Variants in PCDHGB2 observed in about 807,000 individuals in gnomAD.
PCDHGB2 encodes protocadherin gamma subfamily B, 2.
In PCDHGB2, 55 loss-of-function variants were observed where a neutral mutation model predicts 59.3. The observed-to-expected ratio is 0.93, with a 90% CI of 0.75 to 1.16. The LOEUF is 1.16. Ranked by LOEUF, PCDHGB2 falls within the 50% of genes most tolerant of loss-of-function variation. The pLI, the probability that PCDHGB2 is intolerant of heterozygous loss-of-function variation, is 0.00. For synonymous variants in PCDHGB2, 516 were observed against 512.0 expected (o/e 1.01, Z -0.11); for missense variants, 1,228 against 1,198.5 (o/e 1.02, Z -0.36).
chr5:141,426,542 T>C, intron 1 of PCDHGB2: 1 of 347,918 alleles, frequency 2.9e-6, no homozygotes, highest in South Asian at 2.2e-5. Context: ...AACATACTTG[T>C]GAGTGACAGA....
intron 1 of PCDHGB2, chr5:141,374,502 T>C (rs1588742531): frequency 6.2e-7 from 1 of 1,611,402 alleles, no homozygotes; most frequent in East Asian, 2.2e-5. Flanking sequence ...GAATTGGAAG[T>C]GAAAATTCTC....
chr5:141,389,321 G>T (rs570682726), intron 1 of PCDHGB2: 1 of 1,613,982 alleles, frequency 6.2e-7, no homozygotes. Context: ...ATCCGGACTT[G>T]GGGCCCAACG....
chr5:141,417,980 C>G lies in PCDHGB2; in HGVS notation c.2421+55424C>G, dbSNP rs905203424. On this transcript the variant is annotated intron_variant, in intron 1 of 3. Coordinates refer to ENST00000522605, the MANE Select transcript of PCDHGB2 (RefSeq NM_018923.3). ...GATCCGCTACTCGATTCCGGAGGAG[C>G]TGGCCAAGGGCTCGGTGGTGGGGAA... is the stretch of plus-strand genomic sequence containing the variant. The G allele has an allele frequency of 1.9e-6, 3 of 1,613,738 alleles. No individual in the cohort carries two copies. In the African/African-American group the frequency reaches 4.0e-5, roughly 22 times the overall value.
At chr5:141,448,114 A>G (rs1483138819) in intron 1 of PCDHGB2, among the ~76,000 whole-genome samples, 1 of 151,948 alleles carries the variant, frequency 6.6e-6, no homozygotes, top group Non-Finnish European at 1.5e-5. Flanking sequence ...AGAAAAGAAA[A>G]TTAGCCTCCC....
intron 1 of PCDHGB2, among the ~76,000 whole-genome samples, chr5:141,462,211 C>T (rs543979258): frequency 2.0e-5 from 3 of 151,998 alleles, no homozygotes; most frequent in South Asian, 2.1e-4. Context: ...CCGCCTGCCT[C>T]GGCCTCCCAA....
intron 1 of PCDHGB2, chr5:141,392,978 C>T: frequency 1.9e-6 from 3 of 1,613,808 alleles, no homozygotes; most frequent in South Asian, 1.1e-5. Context: ...TGGGGCTGGA[C>T]CCCCGGAAGC....
chr5:141,429,879 A>T (rs2097250861), intron 1 of PCDHGB2, among the ~76,000 whole-genome samples: 1 of 152,210 alleles, frequency 6.6e-6, no homozygotes, highest in African/African-American at 2.4e-5. Context: ...TCTTTTACTA[A>T]GTTTCCTGAA....
Position 141,491,094 on chromosome 5 carries a change from G to T in PCDHGB2, c.2422-3713G>T. ...TGCCACAGTCCACAGCCCCAGGACT[G>T]TTCCTCGTGTCTACACACACTGGTG... On this transcript the variant is annotated intron_variant, in intron 1 of 3. Transcript: ENST00000522605. This position sits in a 1 kb window ranked among gnomAD's most constrained non-coding sequence, Gnocchi z 6.9. The T allele has an allele frequency of 6.2e-7, 1 of 1,614,202 alleles. No homozygotes were observed. The highest frequency in any genetic ancestry group is 1.1e-5 in the South Asian group (1 of 91,086).
rs538105673 is a variant in PCDHGB2, at chr5:141,427,796, C to T, written c.2421+65240C>T. On this transcript the variant is annotated intron_variant, in intron 1 of 3. Transcript: ENST00000522605. Reference sequence around the variant, plus strand: ...TGCGGGCACTGTCGTCCTACGTGTCCGTGAGCGCACAGAGCGGGGTGGTGG... The same window carrying T: ...TGCGGGCACTGTCGTCCTACGTGTCTGTGAGCGCACAGAGCGGGGTGGTGG... The T allele has an allele frequency of 3.6e-4, 547 of 1,502,104 alleles. 5 individuals carry two copies. In the South Asian group the frequency reaches 5.9e-3, roughly 16 times the overall value. The allele number at this position is 1,502,104 out of a possible 1,614,324, so 93.0% of individuals were successfully genotyped here.
chr5:141,402,785 CG>C, intron 1 of PCDHGB2: 1 of 904,572 alleles, frequency 1.1e-6, no homozygotes, highest in South Asian at 2.1e-5. Context: ...TCCAGTTCTG[CG>C]GCTACACAAA....
rs1329435709 is a variant in PCDHGB2 at position 141,485,726 on chromosome 5, C to T, written c.2422-9081C>T. ...ACACTTTGCACTGGATGTGAAGAAGCGCAGCGACGGCAGCCTGGTCCCAGA... is the reference window on the plus strand; with the variant it reads ...ACACTTTGCACTGGATGTGAAGAAGTGCAGCGACGGCAGCCTGGTCCCAGA... On this transcript the variant is annotated intron_variant, in intron 1 of 3. Coordinates refer to ENST00000522605, the MANE Select transcript of PCDHGB2 (RefSeq NM_018923.3). This position sits in a 1 kb window ranked among gnomAD's most constrained non-coding sequence, Gnocchi z 5.7. 2 of 1,614,138 alleles carry T rather than the reference C, an allele frequency of 1.2e-6. No homozygotes were observed. The highest frequency in any genetic ancestry group is 8.5e-7 in the Non-Finnish European group (1 of 1,180,024).
intron 1 of PCDHGB2, chr5:141,440,531 C>G (rs931337116): frequency 6.6e-6 from 1 of 152,272 alleles, no homozygotes; most frequent in Middle Eastern, 3.4e-3. Flanking sequence ...GAATCATGCA[C>G]CACGGTTCAG....
chr5:141,381,826 C>CTTTTTTTTTTTT (rs770630741), intron 1 of PCDHGB2, among the ~76,000 whole-genome samples: 14 of 74,282 alleles, frequency 1.9e-4, no homozygotes, highest in Admixed American at 5.8e-4. Context: ...CTTTCTTCTT[C>CTTTTTTTTTTTT]TTTTTTTTTT....
At chr5:141,445,254 AAT>A (rs1214840265) in intron 1 of PCDHGB2, among the ~76,000 whole-genome samples, 49 of 152,350 alleles carry the variant, frequency 3.2e-4, no homozygotes, top group Non-Finnish European at 5.9e-5. Context: ...ATTGTGTGAG[AAT>A]ATAAGTCGAA....
chr5:141,384,366 T>C (rs573164893), intron 1 of PCDHGB2: 2 of 1,613,896 alleles, frequency 1.2e-6, no homozygotes, highest in Middle Eastern at 1.6e-4. Flanking sequence ...AGATCACTTA[T>C]TCCTTGGCCG....
intron 1 of PCDHGB2, among the ~76,000 whole-genome samples, chr5:141,448,571 C>G (rs1207283773): frequency 6.6e-6 from 1 of 152,128 alleles, no homozygotes; most frequent in Non-Finnish European, 1.5e-5. Flanking sequence ...TTTTATTTCC[C>G]CATTTTTTTT....
intron 1 of PCDHGB2, chr5:141,421,393 G>A: frequency 6.2e-7 from 1 of 1,614,038 alleles, no homozygotes; most frequent in Non-Finnish European, 8.5e-7. Flanking sequence ...CCTGGGGCTG[G>A]AGCCCCGGGA....
chr5:141,390,479 T>C lies in PCDHGB2; in HGVS notation c.2421+27923T>C, dbSNP rs143576019. On this transcript the variant is annotated intron_variant, in intron 1 of 3. Coordinates refer to ENST00000522605, the MANE Select transcript of PCDHGB2 (RefSeq NM_018923.3). Reference sequence around the variant, plus strand: ...GTAGGAGCAATTGTGTGGCCCAACATTTGTTTGTTTTTTAGCCAAGCTTAG... The same window carrying C: ...GTAGGAGCAATTGTGTGGCCCAACACTTGTTTGTTTTTTAGCCAAGCTTAG... 1.6e-3 allele frequency: 1,064 copies of C among 668,890 alleles called. 6 individuals are homozygous for C. The highest frequency in any genetic ancestry group is 0.016 in the African/African-American group (871 of 55,142). The allele number at this position is 668,890 out of a possible 1,614,324, so 41.4% of individuals were successfully genotyped here.
chr5:141,410,517 C>A, intron 1 of PCDHGB2: 1 of 1,613,926 alleles, frequency 6.2e-7, no homozygotes, highest in Non-Finnish European at 8.5e-7. Context: ...TGCAGTGTGC[C>A]CCTACATTCC....
Sources: allele counts gnomAD v4.1 joint callset (sites outside exome capture counted in the v4.1 genomes callset), GRCh38; gene constraint gnomAD v4.1.1; non-coding constraint Gnocchi (gnomAD v3.1); transcripts MANE v1.5; gene names NCBI Gene and HGNC (gene_info 2026-07-23, HGNC 2026-07-21).